The following FRMD6 variants were observed in gnomAD, a reference collection of about 807,000 sequenced individuals.
FRMD6 encodes FERM domain-containing protein 6.
Under a neutral mutation model 73.2 loss-of-function variants are expected in FRMD6, and 37 were observed. That is an observed-to-expected ratio of 0.51 (90% CI 0.39 to 0.66). The LOEUF (loss-of-function observed/expected upper bound fraction) is 0.66. FRMD6 is among the 30% of genes least tolerant of loss of function. The probability of loss-of-function intolerance (pLI) is 0.00; values close to 1 mark genes in which losing one functional copy is unlikely to be tolerated. For synonymous variants in FRMD6, 273 were observed against 282.2 expected (o/e 0.97, Z 0.33); for missense variants, 714 against 780.5 (o/e 0.91, Z 1.02).
At chr14:51,409,986 C>T in the FRMD6 span, among the ~76,000 whole-genome samples, 1 of 152,168 alleles carries the variant, frequency 6.6e-6, no homozygotes, top group Non-Finnish European at 1.5e-5. Context: ...TCTCAAACTT[C>T]TTGAATGTAA....
At chr14:51,500,784 A>G (rs1426431665) in intron 1 of FRMD6, among the ~76,000 whole-genome samples, 1 of 152,196 alleles carries the variant, frequency 6.6e-6, no homozygotes, top group Non-Finnish European at 1.5e-5. Flanking sequence ...ATATACACAC[A>G]TACATATAAT....
At chr14:51,591,092 C>T (rs1483077870) in intron 2 of FRMD6, among the ~76,000 whole-genome samples, 1 of 151,818 alleles carries the variant, frequency 6.6e-6, no homozygotes, top group African/African-American at 2.4e-5. Context: ...GTTTTGTTTT[C>T]GTATAAAATT....
chr14:51,515,109 C>T (rs1884551011), intron 1 of FRMD6, among the ~76,000 whole-genome samples: 1 of 152,074 alleles, frequency 6.6e-6, no homozygotes, highest in South Asian at 2.1e-4. Context: ...GGAAGTAGAA[C>T]CACATCACAC....
At chr14:51,407,587 T>C in the FRMD6 span, among the ~76,000 whole-genome samples, 1 of 152,016 alleles carries the variant, frequency 6.6e-6, no homozygotes, top group African/African-American at 2.4e-5. Context: ...TTTGGTAATA[T>C]ACATTAAAAA....
intron 1 of FRMD6, among the ~76,000 whole-genome samples, chr14:51,509,311 C>A (rs564426416): frequency 6.6e-6 from 1 of 152,232 alleles, no homozygotes; most frequent in South Asian, 2.1e-4. Context: ...ATCACGAGGT[C>A]AGGTGATCGA....
chr14:51,650,643 C>G (rs1281985224), upstream of FRMD6: 1 of 151,534 alleles, frequency 6.6e-6, no homozygotes, highest in Non-Finnish European at 1.5e-5. Context: ...GATCCGCCCG[C>G]CTCGGCCTCC....
chr14:51,418,602 A>T, the FRMD6 span, among the ~76,000 whole-genome samples: 2 of 152,302 alleles, frequency 1.3e-5, no homozygotes, highest in South Asian at 4.1e-4. Context: ...CCCTACTGGG[A>T]GGTCTCTCCC....
chr14:51,616,653 A>G (rs1594608297), intron 2 of FRMD6, among the ~76,000 whole-genome samples: 1 of 152,176 alleles, frequency 6.6e-6, no homozygotes, highest in East Asian at 1.9e-4. Context: ...ACACAGGCTC[A>G]AGGGAACTGA....
intron 2 of FRMD6, among the ~76,000 whole-genome samples, chr14:51,599,085 T>C (rs866512469): frequency 1.8e-5 from 2 of 112,898 alleles, no homozygotes; most frequent in Non-Finnish European, 3.8e-5. Flanking sequence ...TTTTTTTTTT[T>C]AGTAATAGCC....
At chr14:51,489,875 A>G (rs1366478642) in intron 1 of FRMD6, among the ~76,000 whole-genome samples, 1 of 152,226 alleles carries the variant, frequency 6.6e-6, no homozygotes. Context: ...GAGCCCAACA[A>G]TGACTTCTTG....
intron 1 of FRMD6, among the ~76,000 whole-genome samples, chr14:51,494,380 A>T (rs1883178500): frequency 6.6e-6 from 1 of 152,226 alleles, no homozygotes; most frequent in South Asian, 2.1e-4. Context: ...TAGAATGGAC[A>T]TTCCCAATCC....
At chr14:51,435,729 A>G in the FRMD6 span, among the ~76,000 whole-genome samples, 1 of 152,174 alleles carries the variant, frequency 6.6e-6, no homozygotes, top group East Asian at 1.9e-4. Flanking sequence ...CTAGTGTTCT[A>G]TAGCACTGTG....
At chr14:51,513,334 A>G (rs1884424990) in intron 1 of FRMD6, among the ~76,000 whole-genome samples, 1 of 152,232 alleles carries the variant, frequency 6.6e-6, no homozygotes, top group Non-Finnish European at 1.5e-5. Flanking sequence ...TGCAGCTGGC[A>G]CATTGGGTGA....
intron 2 of FRMD6, among the ~76,000 whole-genome samples, chr14:51,596,203 A>G (rs1228641936): frequency 6.6e-6 from 1 of 151,770 alleles, no homozygotes; most frequent in Non-Finnish European, 1.5e-5. Flanking sequence ...ATCAGAATGA[A>G]CTATGCAGTT....
the FRMD6 span, among the ~76,000 whole-genome samples, chr14:51,483,711 T>C: frequency 6.6e-6 from 1 of 152,228 alleles, no homozygotes; most frequent in Non-Finnish European, 1.5e-5. Flanking sequence ...TGATAAAGTT[T>C]CATTTGGAAA....
chr14:51,464,252 A>G, the FRMD6 span, among the ~76,000 whole-genome samples: 2 of 152,224 alleles, frequency 1.3e-5, no homozygotes, highest in African/African-American at 4.8e-5. Context: ...GGGGAGAGAG[A>G]GCATCAGGAA....
the FRMD6 span, among the ~76,000 whole-genome samples, chr14:51,402,522 T>C: frequency 2.6e-5 from 4 of 152,340 alleles, no homozygotes; most frequent in Non-Finnish European, 5.9e-5. Context: ...AAGATATGAC[T>C]TGCTCCTCCT....
At chr14:51,588,019 C>T (rs1195108575) in intron 2 of FRMD6, among the ~76,000 whole-genome samples, 1 of 151,750 alleles carries the variant, frequency 6.6e-6, no homozygotes, top group African/African-American at 2.4e-5. Flanking sequence ...CTTTCGTTTT[C>T]ATTATGTTCT....
the FRMD6 span, among the ~76,000 whole-genome samples, chr14:51,407,609 A>C: frequency 1.3e-5 from 2 of 151,870 alleles, no homozygotes; most frequent in African/African-American, 4.8e-5. Flanking sequence ...GGAATTTGTC[A>C]ATTTTTTCTT....
Sources: allele counts gnomAD v4.1 joint callset (sites outside exome capture counted in the v4.1 genomes callset), GRCh38; gene constraint gnomAD v4.1.1; transcripts MANE v1.5; gene names NCBI Gene and HGNC (gene_info 2026-07-23, HGNC 2026-07-21).